The following AGMO variants were observed in gnomAD, a reference collection of about 807,000 sequenced individuals.
The protein encoded by AGMO is glyceryl-ether monooxygenase.
In AGMO, 75 loss-of-function variants were observed where a neutral mutation model predicts 60.2. That is an observed-to-expected ratio of 1.25 (90% confidence interval 1.03 to 1.51). The LOEUF is 1.51. AGMO is among the 40% of genes most tolerant of loss of function. The pLI is 0.00. For missense variants in AGMO, 763 were observed against 525.5 expected (o/e 1.45, Z -4.42); for synonymous variants, 261 against 177.1 (o/e 1.47, Z -3.76).
chr7:15,243,741 A>G (rs1256179556), intron 12 of AGMO, among the ~76,000 whole-genome samples: 1 of 152,128 alleles, frequency 6.6e-6, no homozygotes, highest in African/African-American at 2.4e-5. Flanking sequence ...AAAATGCACA[A>G]TCTGTGTATT....
rs191564671 is a variant in AGMO, at chr7:15,355,123, T to G, written c.1263+10391A>C. On this transcript the variant is annotated intron_variant, in intron 12 of 12. Coordinates refer to ENST00000342526, the MANE Select transcript of AGMO (RefSeq NM_001004320.2). ...GATGTAGGGTGAATTTGGGATTAATTTTAAATGTGAGTATCCTCCCCTATA... is the reference window on the plus strand; with the variant it reads ...GATGTAGGGTGAATTTGGGATTAATGTTAAATGTGAGTATCCTCCCCTATA... Among the ~76,000 whole-genome samples, 46 of 152,186 alleles carry G rather than the reference T, an allele frequency of 3.0e-4. No homozygotes were observed. In the East Asian group the frequency reaches 7.0e-3, roughly 23 times the overall value.
chr7:15,555,323 A>C, intron 2 of AGMO, among the ~76,000 whole-genome samples: 1 of 149,328 alleles, frequency 6.7e-6, no homozygotes. Flanking sequence ...ACACACACAC[A>C]CACACACACA....
chr7:15,257,792 T>A (rs1783140335), intron 12 of AGMO, among the ~76,000 whole-genome samples: 2 of 152,164 alleles, frequency 1.3e-5, no homozygotes, highest in Admixed American at 6.5e-5. Context: ...CTAAATGAAA[T>A]CATATGTTTT....
At chr7:15,216,874 A>T (rs1215700718) in intron 12 of AGMO, among the ~76,000 whole-genome samples, 4 of 147,866 alleles carry the variant, frequency 2.7e-5, no homozygotes, top group African/African-American at 1.0e-4. Flanking sequence ...GTACACATGC[A>T]CACATGCCCA....
At chr7:15,397,907 T>C (rs1297480965) in intron 5 of AGMO, among the ~76,000 whole-genome samples, 3 of 152,208 alleles carry the variant, frequency 2.0e-5, no homozygotes, top group African/African-American at 7.2e-5. Context: ...CTGTATTTTA[T>C]TGGACTATAT....
At chr7:15,509,948 C>A (rs1462736394) in intron 3 of AGMO, among the ~76,000 whole-genome samples, 1 of 151,992 alleles carries the variant, frequency 6.6e-6, no homozygotes, top group Non-Finnish European at 1.5e-5. Context: ...AAAAGGGAAC[C>A]CTAGTACACT....
chr7:15,130,863 A>G, the AGMO span, among the ~76,000 whole-genome samples: 2 of 152,280 alleles, frequency 1.3e-5, no homozygotes, highest in Admixed American at 6.5e-5. Context: ...TACATGAGCA[A>G]TGCTTTTCAT....
chr7:15,530,653 CTATATACGTATTTCTAT>C, intron 3 of AGMO, among the ~76,000 whole-genome samples: 6 of 135,916 alleles, frequency 4.4e-5, no homozygotes, highest in African/African-American at 1.3e-4. Flanking sequence ...TATATATATT[CTATATACGTATTTCTAT>C]ATATATATTC....
chr7:15,431,751 CAT>C (rs1259793778), intron 3 of AGMO, among the ~76,000 whole-genome samples: 14 of 151,882 alleles, frequency 9.2e-5, no homozygotes, highest in African/African-American at 2.4e-4. Context: ...AATTTTTCCA[CAT>C]AGTTTTATCT....
intron 3 of AGMO, among the ~76,000 whole-genome samples, chr7:15,493,391 T>G (rs1220101186): frequency 9.1e-6 from 1 of 109,996 alleles, no homozygotes; most frequent in Non-Finnish European, 1.8e-5. Flanking sequence ...TTTTTTTTTT[T>G]GAGACGGAGT....
chr7:15,381,877 T>G (rs1348094479), intron 10 of AGMO, among the ~76,000 whole-genome samples: 1 of 152,134 alleles, frequency 6.6e-6, no homozygotes, highest in Admixed American at 6.6e-5. Flanking sequence ...TGCATGAACA[T>G]GGATGGAGCT....
intron 8 of AGMO, among the ~76,000 whole-genome samples, chr7:15,389,303 G>A (rs1784046684): frequency 9.6e-6 from 1 of 104,272 alleles, no homozygotes; most frequent in African/African-American, 4.2e-5. Flanking sequence ...TAGAGATGAA[G>A]GTGTCTCTTT....
chr7:15,416,950 G>C (rs1261416747), intron 5 of AGMO, among the ~76,000 whole-genome samples: 2 of 152,142 alleles, frequency 1.3e-5, no homozygotes, highest in Non-Finnish European at 2.9e-5. Context: ...TCCAGAAGCA[G>C]TCATGGTGTC....
At chr7:15,191,270 T>A in the AGMO span, among the ~76,000 whole-genome samples, 1 of 152,292 alleles carries the variant, frequency 6.6e-6, no homozygotes, top group South Asian at 2.1e-4. Flanking sequence ...CGCTACCAAG[T>A]AACACGATAT....
chr7:15,476,586 T>C (rs1272017560), intron 3 of AGMO, among the ~76,000 whole-genome samples: 1 of 151,982 alleles, frequency 6.6e-6, no homozygotes, highest in East Asian at 1.9e-4. Flanking sequence ...TAATTGTTTC[T>C]TTTTTTTCTT....
chr7:15,351,601 G>C (rs1220005384), intron 12 of AGMO, among the ~76,000 whole-genome samples: 1 of 152,138 alleles, frequency 6.6e-6, no homozygotes, highest in Non-Finnish European at 1.5e-5. Flanking sequence ...CTAAATACTT[G>C]GAAGTGCCAG....
At chr7:15,302,998 A>C (rs942100419) in intron 12 of AGMO, among the ~76,000 whole-genome samples, 10 of 152,204 alleles carry the variant, frequency 6.6e-5, no homozygotes, top group African/African-American at 2.2e-4. Context: ...GTAAATCTAA[A>C]GGATCTTGAA....
chr7:15,377,065 G>C (rs1783486620), intron 10 of AGMO, among the ~76,000 whole-genome samples: 1 of 152,088 alleles, frequency 6.6e-6, no homozygotes, highest in Admixed American at 6.5e-5. Context: ...TTACAAGTCA[G>C]CCACAACTTT....
chr7:15,474,168 A>G (rs1047393042), intron 3 of AGMO, among the ~76,000 whole-genome samples: 1 of 152,200 alleles, frequency 6.6e-6, no homozygotes, highest in African/African-American at 2.4e-5. Flanking sequence ...TCAAGCTACT[A>G]TTGACTTTCT....
Sources: allele counts gnomAD v4.1 joint callset (sites outside exome capture counted in the v4.1 genomes callset), GRCh38; gene constraint gnomAD v4.1.1; transcripts MANE v1.5; gene names NCBI Gene and HGNC (gene_info 2026-07-23, HGNC 2026-07-21).